STRN: variants seen among roughly 807,000 people sequenced by gnomAD.
STRN encodes the protein protein phosphatase 2 regulatory subunit B'''alpha.
Under a neutral mutation model 96.3 loss-of-function variants are expected in STRN, and 53 were observed. That is an observed-to-expected ratio of 0.55 (90% CI 0.44 to 0.69). The LOEUF is 0.69. Among genes scored for constraint, STRN ranks in the 30% least tolerant of loss-of-function variants. STRN has a pLI of 0.00. For synonymous variants in STRN, 428 were observed against 355.9 expected, an observed-to-expected ratio of 1.20 and a Z score of -2.28; for missense variants, 987 against 963.9, an observed-to-expected ratio of 1.02 and a Z score of -0.32.
intron 15 of STRN, among the ~76,000 whole-genome samples, chr2:36,854,650 C>T (rs547667672): frequency 3.3e-5 from 5 of 152,246 alleles, no homozygotes; most frequent in South Asian, 4.2e-4. Flanking sequence ...TCAACTGCAA[C>T]CTAAACTGTG....
chr2:36,937,808 A>C (rs942693155), intron 1 of STRN, among the ~76,000 whole-genome samples: 4 of 152,194 alleles, frequency 2.6e-5, no homozygotes, highest in African/African-American at 7.2e-5. Context: ...TTAGAAAAGA[A>C]ACTTACAGGC....
At chr2:36,887,241 C>T (rs1669259583) in intron 7 of STRN, among the ~76,000 whole-genome samples, 1 of 149,862 alleles carries the variant, frequency 6.7e-6, no homozygotes, top group Admixed American at 6.7e-5. Flanking sequence ...CCAGCCTGAC[C>T]AACAGGTGAA....
chr2:36,922,821 T>C (rs993887060), intron 2 of STRN, among the ~76,000 whole-genome samples: 4 of 152,204 alleles, frequency 2.6e-5, no homozygotes, highest in South Asian at 2.1e-4. Flanking sequence ...CCTCTTACTC[T>C]GCACTCCTTT....
intron 9 of STRN, among the ~76,000 whole-genome samples, chr2:36,879,316 G>A (rs368597702): frequency 1.3e-5 from 2 of 150,774 alleles, no homozygotes; most frequent in African/African-American, 4.9e-5. Flanking sequence ...GTGATCCACC[G>A]ACCTTGGCCT....
At chr2:36,964,059 A>C (rs763553648) in intron 1 of STRN, among the ~76,000 whole-genome samples, 20 of 152,122 alleles carry the variant, frequency 1.3e-4, no homozygotes, top group Admixed American at 8.5e-4. Flanking sequence ...CCTGAAGTTA[A>C]TAAACATTTG....
At chr2:36,912,457 C>T (rs1330838737) in intron 3 of STRN, among the ~76,000 whole-genome samples, 1 of 152,226 alleles carries the variant, frequency 6.6e-6, no homozygotes, top group Admixed American at 6.5e-5. Context: ...GAGAATTAAC[C>T]AGTAGTGGTG....
At chr2:36,861,416 T>C (rs558258172) in intron 12 of STRN, among the ~76,000 whole-genome samples, 163 bp from the exon 13 acceptor site, 4 of 152,354 alleles carry the variant, frequency 2.6e-5, no homozygotes, top group African/African-American at 9.6e-5. Flanking sequence ...TTTTTCTTCC[T>C]CTGGTTTAAG....
intron 1 of STRN, 105 bp downstream of exon 1, chr2:36,966,125 G>A (rs1018729777): frequency 2.9e-5 from 38 of 1,300,240 alleles, no homozygotes; most frequent in Non-Finnish European, 3.7e-5. Flanking sequence ...GGCAGCAAAG[G>A]GGGAGGGGAC....
At chr2:36,912,607 G>C (rs1669991452) in intron 3 of STRN, among the ~76,000 whole-genome samples, 1 of 152,058 alleles carries the variant, frequency 6.6e-6, no homozygotes, top group African/African-American at 2.4e-5. Flanking sequence ...TCATTCCTCA[G>C]GGCTCCATTT....
chr2:36,946,190 G>T (rs1267404804), intron 1 of STRN, among the ~76,000 whole-genome samples: 4 of 149,416 alleles, frequency 2.7e-5, no homozygotes, highest in South Asian at 2.1e-4. Context: ...ATAAATACTG[G>T]AAAATACTAG....
chr2:36,869,500 T>G, intron 11 of STRN, 54 bp downstream of exon 11: 1 of 1,343,958 alleles, frequency 7.4e-7, no homozygotes, highest in Non-Finnish European at 9.8e-7. Flanking sequence ...TGTAGTTTTC[T>G]GCTGAAAATG....
At chr2:36,960,492 G>A (rs544080090) in intron 1 of STRN, among the ~76,000 whole-genome samples, 1 of 152,254 alleles carries the variant, frequency 6.6e-6, no homozygotes, top group South Asian at 2.1e-4. Context: ...GGAGATAACC[G>A]AGAGCAAAAG....
chr2:36,875,505 CAAAAAAAAAAAA>C (rs70946953), intron 10 of STRN, among the ~76,000 whole-genome samples: 1 of 50,978 alleles, frequency 2.0e-5, no homozygotes, highest in Non-Finnish European at 3.2e-5. Context: ...GACTCTGCCT[CAAAAAAAAAAAA>C]AAAAAAAAAA....
chr2:36,960,855 T>C (rs1665011509), intron 1 of STRN, among the ~76,000 whole-genome samples: 1 of 152,162 alleles, frequency 6.6e-6, no homozygotes, highest in South Asian at 2.1e-4. Flanking sequence ...CCTATGAGGC[T>C]GCTCATTCTC....
At chr2:36,956,690 C>G (rs1196549505) in intron 1 of STRN, among the ~76,000 whole-genome samples, 2 of 152,124 alleles carry the variant, frequency 1.3e-5, no homozygotes, top group African/African-American at 4.8e-5. Context: ...CTTCAGTTAT[C>G]AAGATTTTGG....
rs962388893 is a variant in STRN at position 36,839,300 on chromosome 2, G to A, written c.*10156C>T. ...ATATTTTCACTTGTTCCCCCACCTG[G>A]AATGTGCTGCATCAGGTGAAGTTTT... is the stretch of plus-strand genomic sequence containing the variant. On this transcript the variant is annotated 3_prime_UTR_variant, in exon 18 of 18. Coordinates refer to ENST00000263918, the MANE Select transcript of STRN (RefSeq NM_003162.4). 6.6e-6 allele frequency among the ~76,000 whole-genome samples: 1 copy of A among 151,964 alleles called. No individual in the cohort carries two copies. Among genetic ancestry groups the A allele is most frequent in the Non-Finnish European group, 1.5e-5 (1 of 68,002 alleles).
chr2:36,851,448 ATT>A (rs1327468564), intron 15 of STRN, among the ~76,000 whole-genome samples: 1 of 152,222 alleles, frequency 6.6e-6, no homozygotes, highest in Non-Finnish European at 1.5e-5. Context: ...GTGCCACTGC[ATT>A]CCAGCCTAGG....
In STRN at chr2:36,841,251, C is replaced by T. The variant is rs958586914; in HGVS notation, c.*8205G>A. 14 of 150,440 alleles carry T rather than the reference C, an allele frequency of 9.3e-5. No homozygotes were observed. The highest frequency in any genetic ancestry group is 3.2e-3 in the Middle Eastern group (1 of 310). 9.3% of individuals were successfully genotyped at this position (150,440 alleles called of 1,614,324 possible). On this transcript the variant is annotated 3_prime_UTR_variant, in exon 18 of 18. Transcript: ENST00000263918. ...AAGGCTGACCAAAAAGAAAGTAAGT[C>T]TGAATGTTTCAGAGTTGGGAGAAAG...
intron 1 of STRN, among the ~76,000 whole-genome samples, chr2:36,961,794 G>C (rs1400872288): frequency 1.3e-5 from 2 of 152,132 alleles, no homozygotes; most frequent in Non-Finnish European, 2.9e-5. Context: ...GACCCTGTCT[G>C]ACATGACTTC....
Sources: allele counts gnomAD v4.1 joint callset (sites outside exome capture counted in the v4.1 genomes callset), GRCh38; gene constraint gnomAD v4.1.1; transcripts MANE v1.5; gene names NCBI Gene and HGNC (gene_info 2026-07-23, HGNC 2026-07-21).